PCYT2: variants seen among roughly 807,000 people sequenced by gnomAD.
PCYT2 encodes ethanolamine-phosphate cytidylyltransferase.
Under a neutral mutation model 50.0 loss-of-function variants are expected in PCYT2, and 33 were observed. That is an observed-to-expected ratio of 0.66 (90% confidence interval 0.50 to 0.88). The LOEUF (loss-of-function observed/expected upper bound fraction) is 0.88. PCYT2 is among the 40% of genes least tolerant of loss of function. PCYT2 has a pLI of 0.00. For missense variants in PCYT2, 430 were observed against 519.7 expected, an observed-to-expected ratio of 0.83 and a Z score of 1.68; for synonymous variants, 240 against 203.7, an observed-to-expected ratio of 1.18 and a Z score of -1.52.
chr17:81,909,287 G>A, intron 2 of PCYT2: 1 of 1,430,046 alleles, frequency 7.0e-7, no homozygotes, highest in Admixed American at 2.8e-5. Flanking sequence ...GAGCCTCGCT[G>A]GCAGTGGTGG....
intron 8 of PCYT2, 111 bp downstream of exon 8, chr17:81,906,353 G>A (rs1197070130): frequency 6.6e-6 from 8 of 1,215,692 alleles, no homozygotes; most frequent in Non-Finnish European, 9.5e-6. Context: ...GGTCTCCTGT[G>A]ACTTCACCTG....
chr17:81,905,865 G>A (rs1310583345), intron 9 of PCYT2, 130 bp from the exon 10 acceptor site: 1 of 1,013,996 alleles, frequency 9.9e-7, no homozygotes, highest in Non-Finnish European at 1.5e-6. Context: ...GGCTGGGCAG[G>A]CTGGGGACCC....
In PCYT2 at chr17:81,904,079, C is replaced by T. The variant is rs753814800; in HGVS notation, c.*754G>A. The T allele has an allele frequency of 1.3e-5, 2 of 152,304 alleles. No individual in the cohort carries two copies. Among genetic ancestry groups the T allele is most frequent in the Non-Finnish European group, 2.9e-5 (2 of 68,146 alleles). The allele number at this position is 152,304 out of a possible 1,614,324, so 9.4% of individuals were successfully genotyped here. On this transcript the variant is annotated 3_prime_UTR_variant, in exon 13 of 13. Coordinates refer to ENST00000538936, the MANE Select transcript of PCYT2 (RefSeq NM_002861.5). Reference sequence around the variant, plus strand: ...AGCATCGCCTGCTACAGGGGGTGGCCCCAGGCTTTGGAGGGCTGGAGGCCT... The same window carrying T: ...AGCATCGCCTGCTACAGGGGGTGGCTCCAGGCTTTGGAGGGCTGGAGGCCT...
chr17:81,906,703 C>T, intron 7 of PCYT2, 57 bp downstream of exon 7: 1 of 1,603,252 alleles, frequency 6.2e-7, no homozygotes, highest in Non-Finnish European at 8.5e-7. Context: ...CAAGTGAGGC[C>T]CCCGGGTCCC....
intron 12 of PCYT2, 27 bp downstream of exon 12, chr17:81,905,039 C>T (rs375641594): frequency 3.7e-6 from 6 of 1,606,364 alleles, no homozygotes; most frequent in East Asian, 2.2e-5. Flanking sequence ...CATGAGGCGG[C>T]TCCGAGGTGC....
Position 81,901,301 on chromosome 17 carries a change from T to C in PCYT2, c.*3532A>G, listed in dbSNP as rs2039945084. 6.6e-6 allele frequency: 1 copy of C among 152,214 alleles called. No individual in the cohort carries two copies. Among genetic ancestry groups the C allele is most frequent in the Non-Finnish European group, 1.5e-5 (1 of 68,050 alleles). 9.4% of individuals were successfully genotyped at this position (152,214 alleles called of 1,614,324 possible). On this transcript the variant is annotated 3_prime_UTR_variant, in exon 13 of 13. Coordinates refer to ENST00000538936, the MANE Select transcript of PCYT2 (RefSeq NM_002861.5). ...GTATCCTGGCTGTGCTGGCAGCCGA[T>C]TAGGTGGTGCCCACCTGGATTGAGG...
At chr17:81,905,244 C>G in intron 11 of PCYT2, 90 bp from the exon 12 acceptor site, 1 of 1,348,492 alleles carries the variant, frequency 7.4e-7, no homozygotes, top group Non-Finnish European at 1.0e-6. Context: ...GAGACCAGCG[C>G]CCAGGGTCCC....
In PCYT2 at chr17:81,904,733, G is replaced by A. The variant is rs2040145188; in HGVS notation, c.*100C>T. On this transcript the variant is annotated 3_prime_UTR_variant, in exon 13 of 13. Coordinates refer to ENST00000538936, the MANE Select transcript of PCYT2 (RefSeq NM_002861.5). ...CAGAGTCCTCACCAGCCCTTCCAGA[G>A]CCAGGCCAGTTAGAGAGGGCGGCCC... 2.6e-6 allele frequency: 2 copies of A among 767,354 alleles called. No homozygotes were observed. Among genetic ancestry groups the A allele is most frequent in the East Asian group, 2.7e-5 (1 of 37,118 alleles). 47.5% of individuals were successfully genotyped at this position (767,354 alleles called of 1,614,324 possible).
Position 81,905,678 on chromosome 17 carries a change from G to A in PCYT2, c.895C>T (p.His299Tyr), listed in dbSNP as rs1306952978. 3.1e-6 allele frequency: 5 copies of A among 1,613,394 alleles called. No individual in the cohort carries two copies. The highest frequency in any genetic ancestry group is 4.2e-6 in the Non-Finnish European group (5 of 1,179,794). ...CCCATGCGGAGCCTCACCTTGAAGT[G>A]ACTTAGGAGCTCTGCTGTGACCGCG... The part of the protein sequence containing the change: ...PYAVTAELLS[H>Y]FKVDLVCHGK... Residue 299 changes from histidine (H) to tyrosine (Y), a missense_variant, in exon 10 of 13, where the codon CAC (histidine) becomes TAC (tyrosine). Physicochemically the swap from His to Tyr is moderately conservative, Grantham distance 83. This residue lies in a region of PCYT2 where 248 missense variants were observed against 300.2 expected (regional missense o/e 0.83). Transcript: ENST00000538936.
rs1001358273 is a variant in PCYT2 at position 81,906,101 on chromosome 17, C to T, written c.836G>A (p.Arg279Gln). The T allele has an allele frequency of 1.2e-5, 20 of 1,609,630 alleles. No individual in the cohort carries two copies. The highest frequency in any genetic ancestry group is 5.3e-5 in the African/African-American group (4 of 74,828). ...GGCTGGCTCCTGGCCCCCACTCACC[C>T]GGCAGGCCAGCACGCTCAGAGTCCG... ...HERTLSVLAC[R>Q]YVSEVVIGAP... The change falls in exon 9 of 13, where the codon CGG becomes CAG. Residue 279 changes from arginine to glutamine, a missense_variant and splice_region_variant. Arg to Gln is a conservative substitution (Grantham distance 43, BLOSUM62 1). Coordinates refer to ENST00000538936, the MANE Select transcript of PCYT2 (RefSeq NM_002861.5).
At chr17:81,909,829 T>C (rs1598330773) in intron 1 of PCYT2, among the ~76,000 whole-genome samples, 1 of 151,998 alleles carries the variant, frequency 6.6e-6, no homozygotes, top group Non-Finnish European at 1.5e-5. Context: ...CTAGAAAGGG[T>C]GGCAGGGGCA....
Position 81,911,292 on chromosome 17 carries a change from C to A in PCYT2, c.64G>T (p.Ala22Ser). Residue 22 changes from alanine (A) to serine (S), a missense_variant, in exon 1 of 13, where the codon GCC becomes TCC. By Grantham distance (99) the Ala-to-Ser change is moderately conservative. Around this residue, in one of 4 missense-constraint regions of PCYT2, gnomAD observed 63 missense variants for 37.5 expected, o/e 1.68. Transcript: ENST00000538936. ...AEQPGPGGRRAVRVWCDGCYD... is the reference protein window; with the variant it reads ...AEQPGPGGRRSVRVWCDGCYD... ...CAGCCATCGCACCACACCCTCACGG[C>A]GCGCCTGCCCCCCGGGCCCGGCTGC... 8.8e-7 allele frequency: 1 copy of A among 1,138,366 alleles called. No homozygotes were observed. Among genetic ancestry groups the A allele is most frequent in the Non-Finnish European group, 1.1e-6 (1 of 914,980 alleles). 70.5% of individuals were successfully genotyped at this position (1,138,366 alleles called of 1,614,324 possible). A position where few individuals can be genotyped will look rare whatever the true frequency, so the allele number is the denominator to read the frequency against.
Position 81,902,522 on chromosome 17 carries a change from G to A in PCYT2, c.*2311C>T. 2.1e-6 allele frequency: 3 copies of A among 1,453,812 alleles called. No individual in the cohort carries two copies. The highest frequency in any genetic ancestry group is 2.7e-6 in the Non-Finnish European group (3 of 1,110,206). 90.1% of individuals were successfully genotyped at this position (1,453,812 alleles called of 1,614,324 possible). A position where few individuals can be genotyped will look rare whatever the true frequency, so the allele number is the denominator to read the frequency against. On this transcript the variant is annotated 3_prime_UTR_variant, in exon 13 of 13. Coordinates refer to ENST00000538936, the MANE Select transcript of PCYT2 (RefSeq NM_002861.5). ...CTGCAACTGCACCCCAGGCTGCGGA[G>A]CCTCGTGAGTCCGGCGTGCCGGGGA... is the stretch of plus-strand genomic sequence containing the variant.
chr17:81,906,190 T>G lies in PCYT2; in HGVS notation c.760-13A>C. On this transcript the variant is annotated splice_polypyrimidine_tract_variant and intron_variant, in intron 8 of 12. Coordinates refer to ENST00000538936, the MANE Select transcript of PCYT2 (RefSeq NM_002861.5). ...AGTGATTGACCTCCTGCGGCCAGAG[T>G]GCGGCTAGCTCAGCCCGGAGACTTT... 2 of 1,605,082 alleles carry G rather than the reference T, an allele frequency of 1.2e-6. No individual in the cohort carries two copies. Among genetic ancestry groups the G allele is most frequent in the Non-Finnish European group, 1.7e-6 (2 of 1,175,454 alleles).
intron 1 of PCYT2, chr17:81,910,939 G>A: frequency 1.0e-6 from 1 of 988,820 alleles, no homozygotes; most frequent in Non-Finnish European, 1.2e-6. Flanking sequence ...GGAACCCCTG[G>A]ACCGGAGCCG....
intron 3 of PCYT2, 93 bp from the exon 4 acceptor site, chr17:81,908,727 T>G (rs1168412864): frequency 3.0e-6 from 4 of 1,333,516 alleles, no homozygotes; most frequent in Non-Finnish European, 4.3e-6. Flanking sequence ...CCTGCCCTAG[T>G]GTCCGCGTGC....
At chr17:81,907,637 TC>T (rs770920260) in intron 5 of PCYT2, 39 bp from the exon 6 acceptor site, 1 of 1,607,614 alleles carries the variant, frequency 6.2e-7, no homozygotes, top group South Asian at 1.1e-5. Flanking sequence ...GGGCCTGCCC[TC>T]CCGGCGTGGC....
chr17:81,902,106 G>A lies in PCYT2; in HGVS notation c.*2727C>T, dbSNP rs1255185127. The A allele has an allele frequency of 1.0e-5, 5 of 479,018 alleles. No individual in the cohort carries two copies. Among genetic ancestry groups the A allele is most frequent in the Non-Finnish European group, 1.5e-5 (5 of 323,100 alleles). The allele number at this position is 479,018 out of a possible 1,614,324, so 29.7% of individuals were successfully genotyped here. On this transcript the variant is annotated 3_prime_UTR_variant, in exon 13 of 13. Coordinates refer to ENST00000538936, the MANE Select transcript of PCYT2 (RefSeq NM_002861.5). The stretch of plus-strand genomic sequence containing the variant: ...GCTCGCCCGCGCGGCTGGTTCCTTT[G>A]GGATGCGGAGGTGCGACGGCTCCTC...
At chr17:81,909,468 C>T in intron 2 of PCYT2, 46 bp downstream of exon 2, 1 of 1,571,054 alleles carries the variant, frequency 6.4e-7, no homozygotes, top group East Asian at 2.2e-5. Flanking sequence ...TCGCAACCCA[C>T]AGGAGGGCTG....
Sources: gnomAD v4.1 joint callset for allele counts (sites outside exome capture counted in the v4.1 genomes callset) on GRCh38, gnomAD v4.1.1 for gene constraint, gnomAD v4.1.1 regional missense constraint, MANE v1.5 for transcripts, NCBI Gene and HGNC (gene_info 2026-07-23, HGNC 2026-07-21) for gene names.